Variants in CNTRL observed in about 807,000 individuals in gnomAD.
CNTRL encodes the protein centriolin.
In CNTRL, 233 loss-of-function variants were observed where a neutral mutation model predicts 303.7. The ratio of observed to expected loss-of-function variants is 0.77; its 90% CI spans 0.69 to 0.86. The LOEUF is 0.86. Ranked by LOEUF, CNTRL falls within the 40% of genes least tolerant of loss-of-function variation. The pLI, the probability that CNTRL is intolerant of heterozygous loss-of-function variation, is 0.00. For missense variants in CNTRL, 2,524 were observed against 2,650.6 expected, an observed-to-expected ratio of 0.95 and a Z score of 1.05; for synonymous variants, 900 against 922.2, an observed-to-expected ratio of 0.98 and a Z score of 0.44.
At chr9:121,161,170 A>G (rs1229812881) in intron 32 of CNTRL, 6 of 395,156 alleles carry the variant, frequency 1.5e-5, no homozygotes, top group Admixed American at 9.2e-5. Flanking sequence ...GCGCACACAC[A>G]TGCATTCTTA....
At chr9:121,165,329 AC>A (rs2053045090) in intron 35 of CNTRL, among the ~76,000 whole-genome samples, 1 of 149,676 alleles carries the variant, frequency 6.7e-6, no homozygotes, top group Admixed American at 6.7e-5. Context: ...AAAAAAAAAA[AC>A]CTAATTCATG....
At chr9:121,154,553 A>AACT (rs2052458373) in intron 26 of CNTRL, among the ~76,000 whole-genome samples, 168 bp from the exon 27 acceptor site, 1 of 152,250 alleles carries the variant, frequency 6.6e-6, no homozygotes, top group Non-Finnish European at 1.5e-5. Flanking sequence ...TTCCATGTTT[A>AACT]ATAAGATGGT....
At chr9:121,076,227 A>G (rs569561980) in intron 1 of CNTRL, among the ~76,000 whole-genome samples, 4 of 152,224 alleles carry the variant, frequency 2.6e-5, no homozygotes, top group Non-Finnish European at 4.4e-5. Context: ...AATCTTCTGC[A>G]TCTTGAGCTT....
chr9:121,134,663 C>T (rs2051082778), intron 14 of CNTRL, among the ~76,000 whole-genome samples: 1 of 152,026 alleles, frequency 6.6e-6, no homozygotes, highest in Non-Finnish European at 1.5e-5. Flanking sequence ...TGTGTGTGTG[C>T]ACATGCGTGT....
At chr9:121,175,308 C>G in intron 43 of CNTRL, 84 bp downstream of exon 43, 1 of 1,289,664 alleles carries the variant, frequency 7.8e-7, no homozygotes, top group African/African-American at 1.5e-5. Flanking sequence ...GCCCTACCGC[C>G]CAGGCTGGAG....
At chr9:121,141,288 C>G (rs2051495684) in intron 17 of CNTRL, 93 bp from the exon 18 acceptor site, 1 of 1,012,820 alleles carries the variant, frequency 9.9e-7, no homozygotes, top group African/African-American at 1.6e-5. Context: ...CTGCACACAG[C>G]TTTTTACTCT....
intron 2 of CNTRL, among the ~76,000 whole-genome samples, chr9:121,086,215 A>G (rs146388323): frequency 1.2e-3 from 190 of 152,334 alleles, no homozygotes; most frequent in South Asian, 3.9e-3. Flanking sequence ...ACCAGGCACT[A>G]TGCTAGACTC....
chr9:121,137,111 T>C (rs540341078), intron 15 of CNTRL, among the ~76,000 whole-genome samples: 6 of 152,224 alleles, frequency 3.9e-5, no homozygotes, highest in Non-Finnish European at 8.8e-5. Flanking sequence ...GGAAAGAGAA[T>C]GAGAGGTAAA....
At chr9:121,139,924 G>A (rs1358478769) in intron 16 of CNTRL, among the ~76,000 whole-genome samples, 2 of 152,192 alleles carry the variant, frequency 1.3e-5, no homozygotes, top group Non-Finnish European at 2.9e-5. Context: ...CTAGAATGCT[G>A]ACACGTGTTG....
intron 7 of CNTRL, among the ~76,000 whole-genome samples, chr9:121,101,601 G>T (rs2049171426): frequency 6.6e-6 from 1 of 152,066 alleles, no homozygotes; most frequent in Admixed American, 6.6e-5. Flanking sequence ...AAAAAAATCA[G>T]TGAATCCAGG....
Position 121,173,234 on chromosome 9 carries a change from A to C in CNTRL, c.6418-9A>C, listed in dbSNP as rs59555042. 5 of 1,597,874 alleles carry C rather than the reference A, an allele frequency of 3.1e-6. No individual in the cohort carries two copies. The highest frequency in any genetic ancestry group is 4.5e-5 in the East Asian group (2 of 44,576). ...ATACAATGATATTTGACACCAACTC[A>C]CTGTTTAGATGGCAAACCAAAAAGA... On this transcript the variant is annotated splice_polypyrimidine_tract_variant and intron_variant, in intron 40 of 43. Coordinates refer to ENST00000373855, the MANE Select transcript of CNTRL (RefSeq NM_007018.6).
At chr9:121,134,422 C>G (rs1266117783) in intron 14 of CNTRL, among the ~76,000 whole-genome samples, 1 of 152,022 alleles carries the variant, frequency 6.6e-6, no homozygotes, top group Non-Finnish European at 1.5e-5. Flanking sequence ...TCCTAAGTAG[C>G]TGGGACTACA....
Position 121,142,195 on chromosome 9 carries a change from T to C in CNTRL, c.2796T>C (p.Leu932=), listed in dbSNP as rs1218166047. Residue 932 remains leucine, a synonymous_variant, in exon 19 of 44, where the codon CTT becomes CTC. Transcript: ENST00000373855. ...AAAGTATGGAGGAAATCCAAGGCCTTACAGATCTCCAACTTCAGGAAGCTG... is the reference window on the plus strand; with the variant it reads ...AAAGTATGGAGGAAATCCAAGGCCTCACAGATCTCCAACTTCAGGAAGCTG... ...NLKSMEEIQG[L]TDLQLQEADE... is the part of the protein sequence containing the mutation. 1 of 1,612,374 alleles carries C rather than the reference T, an allele frequency of 6.2e-7. No individual in the cohort carries two copies. Among genetic ancestry groups the C allele is most frequent in the Non-Finnish European group, 8.5e-7 (1 of 1,179,196 alleles).
At chr9:121,087,332 T>C (rs1207214875) in intron 2 of CNTRL, among the ~76,000 whole-genome samples, 1 of 151,924 alleles carries the variant, frequency 6.6e-6, no homozygotes, top group Admixed American at 6.6e-5. Flanking sequence ...AGGATGCCAA[T>C]GAGATATCAC....
rs532812277 is a variant in CNTRL, at chr9:121,092,712, A to G, written c.349-2176A>G. Among the ~76,000 whole-genome samples the G allele has an allele frequency of 2.1e-4, 8 of 37,930 alleles. 4 individuals carry two copies. The highest frequency in any genetic ancestry group is 1.9e-4 in the Non-Finnish European group (4 of 21,546). 24.9% of individuals were successfully genotyped at this position (37,930 alleles called of 152,430 possible). A position where few individuals can be genotyped will look rare whatever the true frequency, so the allele number is the denominator to read the frequency against. Reference sequence around the variant, plus strand: ...ATATATAATATATATCTATATATATAATATATATCTATATATATATAATAT... The same window carrying G: ...ATATATAATATATATCTATATATATGATATATATCTATATATATATAATAT... On this transcript the variant is annotated intron_variant, in intron 4 of 43. Transcript: ENST00000373855.
intron 9 of CNTRL, among the ~76,000 whole-genome samples, chr9:121,112,798 C>T (rs1564218934): frequency 6.6e-6 from 1 of 152,166 alleles, no homozygotes; most frequent in South Asian, 2.1e-4. Flanking sequence ...AGAATCTTTG[C>T]CCATAGCCAT....
At chr9:121,135,022 A>G (rs2051104601) in intron 14 of CNTRL, among the ~76,000 whole-genome samples, 2 of 152,224 alleles carry the variant, frequency 1.3e-5, no homozygotes, top group South Asian at 2.1e-4. Flanking sequence ...TTTTTGGACA[A>G]TTCTTTTGTA....
At chr9:121,153,467 A>G (rs1564283016) in intron 26 of CNTRL, among the ~76,000 whole-genome samples, 2 of 152,152 alleles carry the variant, frequency 1.3e-5, no homozygotes, top group Non-Finnish European at 2.9e-5. Context: ...CTTGTCTTCA[A>G]AATAAAGGTC....
At chr9:121,162,344 T>A (rs769522916) in intron 34 of CNTRL, 73 bp downstream of exon 34, 4 of 1,348,096 alleles carry the variant, frequency 3.0e-6, no homozygotes, top group African/African-American at 2.9e-5. Context: ...CTATAAAAAA[T>A]TTGGAAAATA....
Sources: allele counts gnomAD v4.1 joint callset (sites outside exome capture counted in the v4.1 genomes callset), GRCh38; gene constraint gnomAD v4.1.1; transcripts MANE v1.5; gene names NCBI Gene and HGNC (gene_info 2026-07-23, HGNC 2026-07-21).